PCDH9: variants seen among roughly 807,000 people sequenced by gnomAD.
The protein encoded by PCDH9 is protocadherin-9.
A neutral mutation model predicts 70.6 loss-of-function variants in PCDH9; 24 were observed. The observed-to-expected ratio is 0.34, with a 90% CI of 0.25 to 0.48. The LOEUF (loss-of-function observed/expected upper bound fraction) is 0.48. PCDH9 is among the 20% of genes least tolerant of loss of function. The pLI, the probability that PCDH9 is intolerant of heterozygous loss-of-function variation, is 0.99. For missense variants in PCDH9, 1,281 were observed against 1,503.6 expected (o/e 0.85, Z 2.45); for synonymous variants, 562 against 558.5 (o/e 1.01, Z -0.09).
intron 2 of PCDH9, among the ~76,000 whole-genome samples, chr13:66,904,613 C>G (rs571303302): frequency 6.6e-6 from 1 of 151,830 alleles, no homozygotes; most frequent in Non-Finnish European, 1.5e-5. Context: ...CTATTCTTTT[C>G]AAAACTAGTA....
chr13:66,414,675 A>G (rs1319364577), intron 4 of PCDH9, among the ~76,000 whole-genome samples: 2 of 152,194 alleles, frequency 1.3e-5, no homozygotes, highest in African/African-American at 4.8e-5. Context: ...AATGCGGAAC[A>G]TATGTTATTT....
intron 4 of PCDH9, among the ~76,000 whole-genome samples, chr13:66,422,061 A>G (rs953878366): frequency 1.3e-5 from 2 of 152,202 alleles, no homozygotes; most frequent in African/African-American, 4.8e-5. Context: ...AAAAGAGGCA[A>G]AGAAGGCCAT....
intron 2 of PCDH9, among the ~76,000 whole-genome samples, chr13:67,147,550 A>T (rs1376204880): frequency 6.6e-6 from 1 of 152,092 alleles, no homozygotes; most frequent in Non-Finnish European, 1.5e-5. Context: ...GACCTCTTTG[A>T]CTCATGTTCA....
intron 2 of PCDH9, among the ~76,000 whole-genome samples, chr13:67,075,653 A>T (rs910491039): frequency 1.3e-5 from 2 of 152,076 alleles, no homozygotes; most frequent in Non-Finnish European, 2.9e-5. Context: ...CCTTCGTTCT[A>T]CACTTTTATA....
At chr13:66,688,668 A>G (rs2078439329) in intron 3 of PCDH9, among the ~76,000 whole-genome samples, 1 of 152,172 alleles carries the variant, frequency 6.6e-6, no homozygotes, top group African/African-American at 2.4e-5. Context: ...AATCTAATTC[A>G]GTTTGCTATT....
At chr13:67,038,970 C>T (rs559594706) in intron 2 of PCDH9, among the ~76,000 whole-genome samples, 139 of 152,222 alleles carry the variant, frequency 9.1e-4, no homozygotes, top group Middle Eastern at 3.4e-3. Context: ...GAACTTTTGA[C>T]CCCACCTCAA....
intron 3 of PCDH9, among the ~76,000 whole-genome samples, chr13:66,723,924 A>G (rs540825100): frequency 9.1e-4 from 139 of 152,344 alleles, no homozygotes; most frequent in African/African-American, 3.0e-3. Flanking sequence ...TCCCAAGGAT[A>G]GTCCTTTAAA....
At chr13:66,823,682 T>C (rs1179251238) in intron 3 of PCDH9, among the ~76,000 whole-genome samples, 1 of 152,126 alleles carries the variant, frequency 6.6e-6, no homozygotes, top group African/African-American at 2.4e-5. Context: ...GGCTAAAAAC[T>C]TGTCCTGTCC....
intron 4 of PCDH9, among the ~76,000 whole-genome samples, chr13:66,451,099 G>A (rs1958199271): frequency 6.6e-6 from 1 of 152,206 alleles, no homozygotes; most frequent in Admixed American, 6.5e-5. Context: ...CATGGCACAT[G>A]TATACATATG....
intron 4 of PCDH9, among the ~76,000 whole-genome samples, chr13:66,331,698 A>G (rs1473580755): frequency 2.0e-5 from 3 of 152,188 alleles, no homozygotes; most frequent in East Asian, 1.9e-4. Context: ...TATAAGGAAT[A>G]CAACTAGGAA....
intron 3 of PCDH9, among the ~76,000 whole-genome samples, chr13:66,703,862 C>G (rs1383276275): frequency 6.6e-6 from 1 of 152,020 alleles, no homozygotes. Flanking sequence ...GACTGAGCCA[C>G]TGCACTCCAG....
At chr13:66,412,275 C>T (rs1282581359) in intron 4 of PCDH9, among the ~76,000 whole-genome samples, 1 of 152,206 alleles carries the variant, frequency 6.6e-6, no homozygotes, top group Non-Finnish European at 1.5e-5. Context: ...AACTCTCCCA[C>T]CTCTGCCTTC....
At chr13:67,059,304 T>C (rs1277163795) in intron 2 of PCDH9, among the ~76,000 whole-genome samples, 4 of 148,186 alleles carry the variant, frequency 2.7e-5, no homozygotes, top group African/African-American at 9.9e-5. Flanking sequence ...GACATTTCAA[T>C]GGCGAGACAG....
intron 4 of PCDH9, among the ~76,000 whole-genome samples, chr13:66,496,028 A>ATGAGTAATTATG (rs1959111658): frequency 6.6e-6 from 1 of 152,190 alleles, no homozygotes; most frequent in Non-Finnish European, 1.5e-5. Flanking sequence ...CCATAGCAAT[A>ATGAGTAATTATG]CTTATAAAAT....
At position 66,460,885 on chromosome 13, in the gene PCDH9, T is replaced by C. The variant is rs776720535; in HGVS notation, c.3341-155857A>G. Among the ~76,000 whole-genome samples, 5 of 152,018 alleles carry C rather than the reference T, an allele frequency of 3.3e-5. No individual in the cohort carries two copies. In the East Asian group the frequency reaches 9.7e-4, roughly 29 times the overall value. ...CAGAGATGACAACACCAGAAGCTCC[T>C]ACCTACACGCTGGTTGCTTCTTCAT... On this transcript the variant is annotated intron_variant, in intron 4 of 4. Transcript: ENST00000377865.
chr13:66,750,111 T>TA (rs1271442972), intron 3 of PCDH9, among the ~76,000 whole-genome samples: 1 of 151,654 alleles, frequency 6.6e-6, no homozygotes, highest in Non-Finnish European at 1.5e-5. Flanking sequence ...ACACACACAA[T>TA]AAAAAAATGA....
chr13:66,395,515 G>A (rs542511026), intron 4 of PCDH9, among the ~76,000 whole-genome samples: 3 of 152,084 alleles, frequency 2.0e-5, no homozygotes, highest in African/African-American at 7.2e-5. Flanking sequence ...CAGGAGAATC[G>A]CTTGAACACG....
At chr13:67,145,999 G>A (rs1014923519) in intron 2 of PCDH9, among the ~76,000 whole-genome samples, 2 of 152,042 alleles carry the variant, frequency 1.3e-5, no homozygotes, top group Admixed American at 6.6e-5. Flanking sequence ...AAGGCAATAA[G>A]TTTAAGAATT....
At chr13:66,983,043 A>G (rs535138081) in intron 2 of PCDH9, among the ~76,000 whole-genome samples, 1 of 152,296 alleles carries the variant, frequency 6.6e-6, no homozygotes, top group Non-Finnish European at 1.5e-5. Flanking sequence ...GGGGCAGTTC[A>G]CCTATAGGGG....
Sources: gnomAD v4.1 joint callset for allele counts (sites outside exome capture counted in the v4.1 genomes callset) on GRCh38, gnomAD v4.1.1 for gene constraint, MANE v1.5 for transcripts, NCBI Gene and HGNC (gene_info 2026-07-23, HGNC 2026-07-21) for gene names.